Variants in WAC observed in about 807,000 individuals in gnomAD.
The protein encoded by WAC is WW domain-containing adapter protein with coiled-coil.
In WAC, 11 loss-of-function variants were observed where a neutral mutation model predicts 79.6. The ratio of observed to expected loss-of-function variants is 0.14; its 90% CI spans 0.09 to 0.23. The LOEUF (loss-of-function observed/expected upper bound fraction) is 0.23. WAC is among the 10% of genes least tolerant of loss of function. WAC has a pLI of 1.00. For synonymous variants in WAC, 304 were observed against 276.9 expected (o/e 1.10, Z -0.97); for missense variants, 728 against 773.5 (o/e 0.94, Z 0.70).
chr10:28,535,359 T>A (rs1215545770), intron 2 of WAC: 8 of 445,020 alleles, frequency 1.8e-5, no homozygotes, highest in Non-Finnish European at 3.0e-5. Flanking sequence ...TAGTGTGATT[T>A]GTTATCAGGA....
chr10:28,608,193 A>G lies in WAC; in HGVS notation c.927A>G (p.Thr309=). 1 of 1,614,038 alleles carries G rather than the reference A, an allele frequency of 6.2e-7. No homozygotes were observed. The highest frequency in any genetic ancestry group is 1.1e-5 in the South Asian group (1 of 91,070). ...PAQKTERKES[T]SGDKPVSHSC... ...GATTATCTTTTTATTTAGAATCTAC[A>G]TCAGGAGACAAACCCGTATCACATT... is the stretch of plus-strand genomic sequence containing the variant. The change falls in exon 8 of 14, where the codon ACA becomes ACG. Residue 309 remains threonine (T), a synonymous_variant. Coordinates refer to ENST00000354911, the MANE Select transcript of WAC (RefSeq NM_016628.5).
rs1444537106 is a variant in WAC at position 28,620,348 on chromosome 10, T to C, written c.*742T>C. On this transcript the variant is annotated 3_prime_UTR_variant, in exon 14 of 14. Transcript: ENST00000354911. ...GCATAACCTACTTGTTTGTATAAAT[T>C]ATTGAAATCCATTTGCACCCTGTTA... 1 of 122,714 alleles carries C rather than the reference T, an allele frequency of 8.1e-6. No individual in the cohort carries two copies. The highest frequency in any genetic ancestry group is 3.2e-5 in the African/African-American group (1 of 31,202). 7.6% of individuals were successfully genotyped at this position (122,714 alleles called of 1,614,324 possible). A position where few individuals can be genotyped will look rare whatever the true frequency, so the allele number is the denominator to read the frequency against.
intron 3 of WAC, among the ~76,000 whole-genome samples, chr10:28,543,928 A>T (rs1422308170): frequency 6.6e-6 from 1 of 152,276 alleles, no homozygotes; most frequent in East Asian, 1.9e-4. Flanking sequence ...TTACTCTGTC[A>T]TCCCAGGCTG....
intron 3 of WAC, among the ~76,000 whole-genome samples, chr10:28,560,581 G>C (rs905537974): frequency 6.6e-6 from 1 of 152,192 alleles, no homozygotes; most frequent in African/African-American, 2.4e-5. Context: ...CGAAGGCACA[G>C]ATTTGGGCTG....
chr10:28,537,538 C>T (rs1171334321), intron 3 of WAC: 19 of 152,190 alleles, frequency 1.2e-4, no homozygotes. Flanking sequence ...GTTATAAATG[C>T]TTTCAATCAT....
chr10:28,563,054 C>A (rs576975862), intron 3 of WAC, among the ~76,000 whole-genome samples: 15 of 152,250 alleles, frequency 9.9e-5, no homozygotes, highest in African/African-American at 3.6e-4. Context: ...ATTACTCTTT[C>A]AGCATGACTC....
intron 7 of WAC, among the ~76,000 whole-genome samples, chr10:28,599,669 C>G (rs985450916): frequency 2.0e-5 from 3 of 152,130 alleles, no homozygotes; most frequent in South Asian, 2.1e-4. Context: ...CTGTTTGATG[C>G]CAGTGTGTCA....
intron 7 of WAC, among the ~76,000 whole-genome samples, chr10:28,603,095 A>T (rs968736822): frequency 2.0e-5 from 3 of 152,224 alleles, no homozygotes; most frequent in Non-Finnish European, 2.9e-5. Context: ...CTAAAACCAG[A>T]TATTATTCCA....
chr10:28,585,596 A>AG (rs978110291), intron 4 of WAC, among the ~76,000 whole-genome samples: 3 of 149,970 alleles, frequency 2.0e-5, no homozygotes, highest in African/African-American at 7.4e-5. Context: ...AGTGGGGAGA[A>AG]GGGGGGGCAA....
Position 28,533,518 on chromosome 10 carries a change from C to G in WAC, c.-62C>G. 2 of 1,160,582 alleles carry G rather than the reference C, an allele frequency of 1.7e-6. No homozygotes were observed. Among genetic ancestry groups the G allele is most frequent in the South Asian group, 2.3e-5 (1 of 44,130 alleles). The allele number at this position is 1,160,582 out of a possible 1,614,324, so 71.9% of individuals were successfully genotyped here. On this transcript the variant is annotated 5_prime_UTR_variant, in exon 1 of 14. Coordinates refer to ENST00000354911, the MANE Select transcript of WAC (RefSeq NM_016628.5). ...GCCCGCCGCCGCCGCCGCCTGCGCG[C>G]CCGCCCGCCTTTCGCGGCCGCTCTC...
In WAC at chr10:28,590,762, C is replaced by T. The variant is rs764910117; in HGVS notation, c.540C>T (p.Ser180=). ...AAGCAAACAAGATGGCAGTCAACAG[C>T]TTCCCAAAAGATAGGGATTACAGAA... ...QKEANKMAVN[S]FPKDRDYRRE... is the part of the protein sequence containing the mutation. Residue 180 remains serine (S), a synonymous_variant, in exon 6 of 14, where the codon AGC becomes AGT. Transcript: ENST00000354911. 1.2e-6 allele frequency: 2 copies of T among 1,611,630 alleles called. No individual in the cohort carries two copies. Among genetic ancestry groups the T allele is most frequent in the African/African-American group, 1.3e-5 (1 of 74,746 alleles).
chr10:28,557,749 G>A (rs1362072345), intron 3 of WAC, among the ~76,000 whole-genome samples: 14 of 152,120 alleles, frequency 9.2e-5, no homozygotes, highest in Non-Finnish European at 2.1e-4. Context: ...TGGAAAAAAT[G>A]TCTTTGGATA....
chr10:28,560,169 C>G (rs867190514), intron 3 of WAC, among the ~76,000 whole-genome samples: 1 of 152,022 alleles, frequency 6.6e-6, no homozygotes. Context: ...TAGTGAGACT[C>G]TGTTTCTGCA....
At chr10:28,549,966 C>T (rs1248973771) in intron 3 of WAC, among the ~76,000 whole-genome samples, 1 of 152,064 alleles carries the variant, frequency 6.6e-6, no homozygotes, top group African/African-American at 2.4e-5. Context: ...AATTCAAGAC[C>T]AGCCAGGCCA....
At chr10:28,613,871 G>A (rs1035833516) in intron 10 of WAC, among the ~76,000 whole-genome samples, 8 of 152,116 alleles carry the variant, frequency 5.3e-5, no homozygotes, top group Non-Finnish European at 1.0e-4. Context: ...ATGGACTTCA[G>A]TCTACCTCTG....
chr10:28,538,925 A>AATCAAATG (rs1836845866), intron 3 of WAC, among the ~76,000 whole-genome samples: 1 of 151,918 alleles, frequency 6.6e-6, no homozygotes, highest in Non-Finnish European at 1.5e-5. Context: ...CATTATCAAA[A>AATCAAATG]ATCAAATGCA....
chr10:28,542,689 C>T (rs866547732), intron 3 of WAC, among the ~76,000 whole-genome samples: 10 of 152,160 alleles, frequency 6.6e-5, no homozygotes, highest in Middle Eastern at 3.2e-3. Context: ...ACTCATAATT[C>T]ATGATGAACT....
At chr10:28,544,517 G>T (rs943440144) in intron 3 of WAC, among the ~76,000 whole-genome samples, 5 of 152,172 alleles carry the variant, frequency 3.3e-5, no homozygotes, top group Non-Finnish European at 5.9e-5. Flanking sequence ...TTACCTCAGT[G>T]CCCAGACTGT....
intron 3 of WAC, among the ~76,000 whole-genome samples, chr10:28,561,949 G>A (rs1425127398): frequency 3.3e-5 from 5 of 152,146 alleles, no homozygotes; most frequent in Non-Finnish European, 1.5e-5. Context: ...TCATTGAATT[G>A]GAATTGTTGG....
Sources: gnomAD v4.1 joint callset for allele counts (sites outside exome capture counted in the v4.1 genomes callset) on GRCh38, gnomAD v4.1.1 for gene constraint, MANE v1.5 for transcripts, NCBI Gene and HGNC (gene_info 2026-07-23, HGNC 2026-07-21) for gene names.